The following RAPGEF4 variants were observed in gnomAD, a reference collection of about 807,000 sequenced individuals.
RAPGEF4 encodes RAP guanine-nucleotide-exchange factor (GEF) 4.
A neutral mutation model predicts 147.9 loss-of-function variants in RAPGEF4; 66 were observed. The observed-to-expected ratio is 0.45, with a 90% CI of 0.37 to 0.55. The LOEUF is 0.55. RAPGEF4 is among the 20% of genes least tolerant of loss of function. RAPGEF4 has a pLI of 0.00. For missense variants in RAPGEF4, 1,071 were observed against 1,257.3 expected (o/e 0.85, Z 2.24); for synonymous variants, 419 against 442.7 (o/e 0.95, Z 0.67).
intron 4 of RAPGEF4, among the ~76,000 whole-genome samples, chr2:172,891,191 C>T (rs1697867648): frequency 6.6e-6 from 1 of 152,180 alleles, no homozygotes; most frequent in East Asian, 1.9e-4. Context: ...AAGCGCTGAC[C>T]CTTCTGAACA....
intron 4 of RAPGEF4, among the ~76,000 whole-genome samples, chr2:172,906,794 T>G (rs1248718862): frequency 6.6e-6 from 1 of 150,762 alleles, no homozygotes; most frequent in African/African-American, 2.5e-5. Context: ...CTGTCTTCAC[T>G]TGTCAGATGG....
chr2:172,827,518 TTC>T (rs1318173822), intron 4 of RAPGEF4, among the ~76,000 whole-genome samples: 19 of 152,106 alleles, frequency 1.2e-4, no homozygotes, highest in Non-Finnish European at 7.3e-5. Context: ...CATCCCACCA[TTC>T]TCAGTGACCT....
intron 4 of RAPGEF4, among the ~76,000 whole-genome samples, chr2:172,836,824 T>C (rs1399627952): frequency 1.3e-5 from 2 of 152,220 alleles, no homozygotes; most frequent in Non-Finnish European, 2.9e-5. Flanking sequence ...AAAGTACTCA[T>C]GTTTACCAGA....
At chr2:172,926,443 G>A (rs1208817320) in intron 6 of RAPGEF4, among the ~76,000 whole-genome samples, 13 of 152,160 alleles carry the variant, frequency 8.5e-5, no homozygotes, top group Non-Finnish European at 1.5e-5. Context: ...ACTTTAGTGT[G>A]GAAGGAGCTG....
chr2:173,001,993 C>CAAAAAAAAAAAAAAAAAAAAAAAAAAAA (rs11397728), intron 17 of RAPGEF4, among the ~76,000 whole-genome samples: 2 of 79,312 alleles, frequency 2.5e-5, no homozygotes, highest in African/African-American at 4.2e-5. Flanking sequence ...GTGATGCTGG[C>CAAAAAAAAAAAAAAAAAAAAAAAAAAAA]AAAAAAAAAA....
chr2:172,987,574 T>G (rs977940090), intron 12 of RAPGEF4, among the ~76,000 whole-genome samples: 1 of 152,254 alleles, frequency 6.6e-6, no homozygotes, highest in Non-Finnish European at 1.5e-5. Flanking sequence ...TTTTTCTTGT[T>G]ATTATTCCTT....
At chr2:173,034,867 C>G (rs1001162273) in intron 27 of RAPGEF4, among the ~76,000 whole-genome samples, 1 of 116,004 alleles carries the variant, frequency 8.6e-6, no homozygotes, top group Admixed American at 1.0e-4. Flanking sequence ...AGTGCGACCC[C>G]GTCTCAACAC....
rs549829112 is a variant in RAPGEF4 at position 173,017,458 on chromosome 2, C to T, written c.1962C>T (p.Gly654=). The T allele has an allele frequency of 3.8e-5, 62 of 1,614,090 alleles. No homozygotes were observed. Among genetic ancestry groups the T allele is most frequent in the African/African-American group, 2.4e-4 (18 of 75,014 alleles). ...TTCTTTTGCAACAGTTCAATACGGG[C>T]GATGAGAGAGCCCAGAAGCGCCAGC... ...HKVLLQQFNT[G]DERAQKRQPI... The change falls in exon 21 of 31, where the codon GGC becomes GGT. Residue 654 remains glycine (G), a synonymous_variant. Coordinates refer to ENST00000397081, the MANE Select transcript of RAPGEF4 (RefSeq NM_007023.4).
At chr2:172,851,723 C>T (rs571040258) in intron 4 of RAPGEF4, among the ~76,000 whole-genome samples, 2 of 152,182 alleles carry the variant, frequency 1.3e-5, no homozygotes, top group Admixed American at 1.3e-4. Flanking sequence ...CATGTTCTCA[C>T]TTATAAGTGG....
At chr2:172,889,558 C>T (rs2553017) in intron 4 of RAPGEF4, among the ~76,000 whole-genome samples, 147,180 of 151,996 alleles carry the variant, frequency 0.97, 71,418 homozygotes, top group East Asian at 1. Flanking sequence ...TTCCCACTCA[C>T]AGAACGAGGT....
intron 4 of RAPGEF4, among the ~76,000 whole-genome samples, chr2:172,863,050 T>C (rs1694209748): frequency 6.6e-6 from 1 of 152,108 alleles, no homozygotes; most frequent in South Asian, 2.1e-4. Context: ...AAGATGAATC[T>C]GAAATATATT....
rs2105700840 is a variant in RAPGEF4, at chr2:172,986,722, C to G, written c.1150+1229C>G. Among the ~76,000 whole-genome samples, 2 of 147,182 alleles carry G rather than the reference C, an allele frequency of 1.4e-5. 1 individual carries two copies. ...TCTTTTTTTTTTTTTGAGACGGAGTCTTGCTCTATCACCCAGGCTGGAGTG... is the reference window on the plus strand; with the variant it reads ...TCTTTTTTTTTTTTTGAGACGGAGTGTTGCTCTATCACCCAGGCTGGAGTG... On this transcript the variant is annotated intron_variant, in intron 12 of 30. Transcript: ENST00000397081.
intron 1 of RAPGEF4, among the ~76,000 whole-genome samples, chr2:172,770,738 C>G (rs987135366): frequency 1.3e-5 from 2 of 152,116 alleles, no homozygotes; most frequent in Non-Finnish European, 2.9e-5. Context: ...ATAATCTTCC[C>G]TGGTTGGTTC....
chr2:173,009,181 A>T (rs1694779734), intron 17 of RAPGEF4, among the ~76,000 whole-genome samples: 1 of 152,244 alleles, frequency 6.6e-6, no homozygotes, highest in Non-Finnish European at 1.5e-5. Flanking sequence ...TTTATTTAGA[A>T]TGTACCTCTG....
At chr2:172,736,307 C>T (rs546920583) in intron 1 of RAPGEF4, 1 of 290,796 alleles carries the variant, frequency 3.4e-6, no homozygotes, top group Non-Finnish European at 6.3e-6. Flanking sequence ...ACCCACCTCT[C>T]CAACCCCCTG....
At chr2:172,929,109 A>G (rs1685664625) in intron 6 of RAPGEF4, among the ~76,000 whole-genome samples, 1 of 152,232 alleles carries the variant, frequency 6.6e-6, no homozygotes. Context: ...AATAAAATAG[A>G]TAGTATCCCT....
At chr2:172,975,027 T>C (rs190237241) in intron 10 of RAPGEF4, among the ~76,000 whole-genome samples, 1 of 152,330 alleles carries the variant, frequency 6.6e-6, no homozygotes, top group Admixed American at 6.5e-5. Flanking sequence ...TTAATTGCCA[T>C]ATGATTAGGG....
At chr2:172,925,539 G>C (rs1466986200) in intron 6 of RAPGEF4, among the ~76,000 whole-genome samples, 2 of 151,622 alleles carry the variant, frequency 1.3e-5, no homozygotes, top group African/African-American at 2.4e-5. Flanking sequence ...CAAGAAAAAT[G>C]TTAGAAAAAC....
intron 4 of RAPGEF4, among the ~76,000 whole-genome samples, chr2:172,914,662 G>T (rs1683854111): frequency 6.6e-6 from 1 of 151,814 alleles, no homozygotes; most frequent in East Asian, 1.9e-4. Context: ...GAAAGAGGGA[G>T]AAAGAAAAAG....
Sources: gnomAD v4.1 joint callset for allele counts (sites outside exome capture counted in the v4.1 genomes callset) on GRCh38, gnomAD v4.1.1 for gene constraint, MANE v1.5 for transcripts, NCBI Gene and HGNC (gene_info 2026-07-23, HGNC 2026-07-21) for gene names.